The following OPCML variants were observed in gnomAD, a reference collection of about 807,000 sequenced individuals.
The protein encoded by OPCML is opioid-binding protein/cell adhesion molecule.
In OPCML, 13 loss-of-function variants were observed where a neutral mutation model predicts 37.8. That is an observed-to-expected ratio of 0.34 (90% CI 0.22 to 0.55). OPCML has a LOEUF of 0.55. OPCML is among the 20% of genes least tolerant of loss of function. OPCML has a pLI of 0.91. For missense variants in OPCML, 341 were observed against 435.6 expected, an observed-to-expected ratio of 0.78 and a Z score of 1.93; for synonymous variants, 176 against 168.8, an observed-to-expected ratio of 1.04 and a Z score of -0.33.
intron 2 of OPCML, among the ~76,000 whole-genome samples, chr11:132,926,408 C>T (rs1944993814): frequency 6.6e-6 from 1 of 152,026 alleles, no homozygotes; most frequent in African/African-American, 2.4e-5. Flanking sequence ...AATAAAAGAA[C>T]ATTTAAGGCC....
intron 2 of OPCML, among the ~76,000 whole-genome samples, chr11:132,703,446 C>A (rs1003893344): frequency 2.6e-5 from 4 of 152,184 alleles, no homozygotes; most frequent in African/African-American, 9.6e-5. Context: ...TTTGGTGGCA[C>A]CATGCTTCCC....
chr11:133,386,164 A>T (rs1387675301), intron 1 of OPCML, among the ~76,000 whole-genome samples: 2 of 152,244 alleles, frequency 1.3e-5, no homozygotes, highest in Admixed American at 1.3e-4. Flanking sequence ...TACCATTGTT[A>T]CAACGCAATA....
At chr11:133,340,700 C>T (rs555533144) in intron 1 of OPCML, among the ~76,000 whole-genome samples, 11 of 150,260 alleles carry the variant, frequency 7.3e-5, no homozygotes, top group South Asian at 2.1e-4. Context: ...TAGCCATTCT[C>T]GGTATAACTA....
intron 2 of OPCML, among the ~76,000 whole-genome samples, chr11:132,852,904 T>TA (rs200422398): frequency 0.043 from 5,881 of 138,004 alleles, 150 homozygotes; most frequent in East Asian, 0.13. Flanking sequence ...AAAAGGTTGT[T>TA]AAAAAAAAAA....
chr11:132,963,529 T>G (rs1463714255), intron 1 of OPCML, among the ~76,000 whole-genome samples: 1 of 150,896 alleles, frequency 6.6e-6, no homozygotes, highest in East Asian at 2.0e-4. Flanking sequence ...GAGGCGGAGG[T>G]TGCAGTGAGC....
intron 1 of OPCML, among the ~76,000 whole-genome samples, chr11:133,524,576 A>G (rs1287449659): frequency 2.6e-5 from 4 of 152,224 alleles, no homozygotes; most frequent in African/African-American, 9.6e-5. Flanking sequence ...GTATTAAACC[A>G]ATAGCCCACA....
intron 2 of OPCML, among the ~76,000 whole-genome samples, chr11:132,693,803 A>G (rs1261976790): frequency 3.9e-5 from 6 of 152,188 alleles, no homozygotes; most frequent in Non-Finnish European, 7.3e-5. Flanking sequence ...AGAAATTGAA[A>G]TTCCTTTCTC....
chr11:132,973,389 TTTTGCAA>T (rs1946385713), intron 1 of OPCML, among the ~76,000 whole-genome samples: 18 of 152,332 alleles, frequency 1.2e-4, no homozygotes, highest in Admixed American at 1.1e-3. Flanking sequence ...TCTTTGACCA[TTTTGCAA>T]CTTCCTGGCC....
chr11:132,653,389 C>T (rs994829875), intron 3 of OPCML, among the ~76,000 whole-genome samples: 1 of 152,126 alleles, frequency 6.6e-6, no homozygotes, highest in African/African-American at 2.4e-5. Flanking sequence ...GCGCTTGTGC[C>T]TCCAGCTTCT....
intron 2 of OPCML, among the ~76,000 whole-genome samples, chr11:132,778,117 T>G (rs1204799309): frequency 3.3e-5 from 5 of 152,194 alleles, no homozygotes; most frequent in Non-Finnish European, 7.3e-5. Context: ...GCAGATGTGA[T>G]TAGATAAACG....
intron 1 of OPCML, among the ~76,000 whole-genome samples, chr11:133,256,272 T>A (rs1444313043): frequency 6.6e-6 from 1 of 152,238 alleles, no homozygotes; most frequent in African/African-American, 2.4e-5. Context: ...CCACTCACCT[T>A]GGGCAGGCTA....
chr11:132,725,535 T>C lies in OPCML; in HGVS notation c.147-68216A>G, dbSNP rs868140502. Among the ~76,000 whole-genome samples the C allele has an allele frequency of 3.0e-4, 45 of 152,322 alleles. No homozygotes were observed. In the Middle Eastern group the frequency reaches 0.01, roughly 35 times the overall value. ...TTGGGGATTAATATTCGACTCCTTG[T>C]TACTTATGCAAATTTCTGCAGTGGG... On this transcript the variant is annotated intron_variant, in intron 2 of 7. Transcript: ENST00000524381.
intron 1 of OPCML, among the ~76,000 whole-genome samples, chr11:133,185,747 G>A (rs2136292941): frequency 6.6e-6 from 1 of 152,212 alleles, no homozygotes; most frequent in Non-Finnish European, 1.5e-5. Context: ...TCTTTGGTGG[G>A]TCTGCAATCA....
chr11:132,971,539 T>C (rs190744880), intron 1 of OPCML, among the ~76,000 whole-genome samples: 88 of 152,366 alleles, frequency 5.8e-4, no homozygotes, highest in Non-Finnish European at 1.0e-3. Flanking sequence ...ATAGCTTTTC[T>C]TGACTTGATA....
intron 1 of OPCML, among the ~76,000 whole-genome samples, chr11:133,372,229 C>T (rs1944691043): frequency 6.6e-6 from 1 of 152,102 alleles, no homozygotes; most frequent in African/African-American, 2.4e-5. Flanking sequence ...CGATGGTCAC[C>T]CTACATACCC....
chr11:132,977,227 G>GT (rs575273806), intron 1 of OPCML, among the ~76,000 whole-genome samples: 9 of 152,212 alleles, frequency 5.9e-5, no homozygotes, highest in Non-Finnish European at 1.0e-4. Context: ...GAAGAGCTTT[G>GT]TTTTTTTGCT....
chr11:133,096,529 C>T (rs1041523100), intron 1 of OPCML, among the ~76,000 whole-genome samples: 1 of 151,998 alleles, frequency 6.6e-6, no homozygotes, highest in Non-Finnish European at 1.5e-5. Flanking sequence ...CATGTTAATC[C>T]AACTGTCAAT....
chr11:133,439,689 G>C (rs201474082), intron 1 of OPCML, among the ~76,000 whole-genome samples: 16 of 151,918 alleles, frequency 1.1e-4, no homozygotes, highest in South Asian at 2.1e-4. Context: ...GGATGGTCTC[G>C]ATCTCCTGAC....
chr11:132,487,431 C>T (rs532728676), intron 4 of OPCML, among the ~76,000 whole-genome samples: 7 of 152,284 alleles, frequency 4.6e-5, no homozygotes, highest in Admixed American at 2.6e-4. Context: ...TTATCTGTTC[C>T]CACAGTCATT....
Sources: allele counts gnomAD v4.1 joint callset (sites outside exome capture counted in the v4.1 genomes callset), GRCh38; gene constraint gnomAD v4.1.1; transcripts MANE v1.5; gene names NCBI Gene and HGNC (gene_info 2026-07-23, HGNC 2026-07-21).